The following LRRC20 variants were observed in gnomAD, a reference collection of about 807,000 sequenced individuals.
LRRC20 encodes leucine-rich repeat-containing protein 20.
Under a neutral mutation model 14.4 loss-of-function variants are expected in LRRC20, and 11 were observed. The ratio of observed to expected loss-of-function variants is 0.77; its 90% confidence interval spans 0.48 to 1.27. The LOEUF (loss-of-function observed/expected upper bound fraction) is 1.27. Among genes scored for constraint, LRRC20 ranks in the 50% most tolerant of loss-of-function variants. The pLI, the probability that LRRC20 is intolerant of heterozygous loss-of-function variation, is 0.00. For synonymous variants in LRRC20, 121 were observed against 107.3 expected (o/e 1.13, Z -0.79); for missense variants, 219 against 251.2 (o/e 0.87, Z 0.87).
chr10:70,320,217 G>A (rs939294574), intron 4 of LRRC20, among the ~76,000 whole-genome samples: 9 of 152,080 alleles, frequency 5.9e-5, no homozygotes, highest in Non-Finnish European at 1.0e-4. Context: ...AATCTCTGCA[G>A]GACAACTCAT....
intron 2 of LRRC20, among the ~76,000 whole-genome samples, chr10:70,364,740 CGG>C (rs1290043343): frequency 6.6e-6 from 1 of 152,120 alleles, no homozygotes; most frequent in African/African-American, 2.4e-5. Flanking sequence ...CAGGTGGGCC[CGG>C]GAGGGACGAA....
At chr10:70,367,958 C>CTATGTTATGTTATGTTATGT in intron 2 of LRRC20, among the ~76,000 whole-genome samples, 2 of 21,892 alleles carry the variant, frequency 9.1e-5, no homozygotes, top group Non-Finnish European at 1.7e-4. Flanking sequence ...ATAAATCTGC[C>CTATGTTATGTTATGTTATGT]TATGTTATGT....
chr10:70,351,164 G>A (rs150748485), intron 2 of LRRC20, among the ~76,000 whole-genome samples: 2,402 of 146,970 alleles, frequency 0.016, 60 homozygotes, highest in African/African-American at 0.058. Flanking sequence ...CTAGGTGACA[G>A]AGTGAGACCC....
intron 2 of LRRC20, among the ~76,000 whole-genome samples, chr10:70,350,285 G>C (rs541314327): frequency 6.6e-6 from 1 of 152,206 alleles, no homozygotes; most frequent in African/African-American, 2.4e-5. Context: ...AAAGATCCTT[G>C]GGGGAGGCGG....
intron 2 of LRRC20, among the ~76,000 whole-genome samples, chr10:70,367,094 G>A (rs1844029008): frequency 6.6e-6 from 1 of 152,072 alleles, no homozygotes; most frequent in African/African-American, 2.4e-5. Flanking sequence ...GGAGGCTGAG[G>A]CAGGAGGAAT....
At chr10:70,327,362 A>G (rs979219559) in intron 3 of LRRC20, among the ~76,000 whole-genome samples, 3 of 104,288 alleles carry the variant, frequency 2.9e-5, no homozygotes, top group East Asian at 2.7e-4. Flanking sequence ...ATCACTTGAG[A>G]TCAAGAGTTC....
chr10:70,380,726 C>G (rs2137196103), intron 1 of LRRC20, among the ~76,000 whole-genome samples: 1 of 152,374 alleles, frequency 6.6e-6, no homozygotes, highest in Middle Eastern at 3.4e-3. Context: ...GCATGGCCCT[C>G]TCCACACACC....
chr10:70,304,506 ATT>A (rs1491397200), intron 4 of LRRC20, among the ~76,000 whole-genome samples: 11 of 129,366 alleles, frequency 8.5e-5, no homozygotes, highest in African/African-American at 3.3e-4. Context: ...ATATATATAT[ATT>A]TTACTAAGCA....
chr10:70,375,543 G>A (rs1430835008), intron 2 of LRRC20, among the ~76,000 whole-genome samples: 2 of 152,132 alleles, frequency 1.3e-5, no homozygotes, highest in Non-Finnish European at 2.9e-5. Context: ...TACCATGGAA[G>A]GAAGCGCTCC....
intron 2 of LRRC20, among the ~76,000 whole-genome samples, chr10:70,351,300 C>T (rs930156676): frequency 6.6e-6 from 1 of 152,090 alleles, no homozygotes; most frequent in Non-Finnish European, 1.5e-5. Flanking sequence ...TAACAATATC[C>T]CCAGGTGATT....
At chr10:70,341,611 C>CA (rs1313866919) in intron 2 of LRRC20, among the ~76,000 whole-genome samples, 1 of 151,698 alleles carries the variant, frequency 6.6e-6, no homozygotes, top group Non-Finnish European at 1.5e-5. Context: ...CTACTAAAAA[C>CA]AAAAAAATTA....
chr10:70,377,762 C>T (rs1313022229), intron 1 of LRRC20, among the ~76,000 whole-genome samples: 2 of 152,208 alleles, frequency 1.3e-5, no homozygotes, highest in Non-Finnish European at 2.9e-5. Flanking sequence ...GCAGGGCAGG[C>T]AAGGCCAAGC....
At chr10:70,363,433 A>G (rs2137114685) in intron 2 of LRRC20, among the ~76,000 whole-genome samples, 1 of 152,308 alleles carries the variant, frequency 6.6e-6, no homozygotes, top group South Asian at 2.1e-4. Context: ...GCAGACCTGC[A>G]CCAAACACTG....
At chr10:70,302,663 A>G (rs1333857623) in intron 4 of LRRC20, among the ~76,000 whole-genome samples, 1 of 152,082 alleles carries the variant, frequency 6.6e-6, no homozygotes, top group Non-Finnish European at 1.5e-5. Flanking sequence ...TCTTGAGCCC[A>G]GGAGTTCAAA....
chr10:70,334,001 T>C (rs1416010994), intron 3 of LRRC20, among the ~76,000 whole-genome samples: 2 of 151,998 alleles, frequency 1.3e-5, no homozygotes, highest in African/African-American at 4.8e-5. Flanking sequence ...AATACAAAAA[T>C]TAGCCAGGCG....
At chr10:70,346,551 C>A (rs1459329885) in intron 2 of LRRC20, among the ~76,000 whole-genome samples, 1 of 152,110 alleles carries the variant, frequency 6.6e-6, no homozygotes, top group Non-Finnish European at 1.5e-5. Flanking sequence ...GTATTATCAA[C>A]CCAGGTGTGT....
At chr10:70,311,221 C>CA (rs1841647177) in intron 4 of LRRC20, among the ~76,000 whole-genome samples, 1 of 120,600 alleles carries the variant, frequency 8.3e-6, no homozygotes, top group African/African-American at 3.2e-5. Context: ...TTCAACATTC[C>CA]ATTTTTTTTT....
intron 2 of LRRC20, among the ~76,000 whole-genome samples, chr10:70,370,587 T>C (rs1589127374): frequency 6.6e-6 from 1 of 151,766 alleles, no homozygotes; most frequent in Admixed American, 6.6e-5. Context: ...AGTACAAAAA[T>C]TAAAAATTAA....
intron 3 of LRRC20, among the ~76,000 whole-genome samples, chr10:70,334,299 T>G (rs1275760211): frequency 6.6e-6 from 1 of 152,124 alleles, no homozygotes; most frequent in Non-Finnish European, 1.5e-5. Flanking sequence ...TCTTTTCTCT[T>G]TTGTCCACTA....
Sources: gnomAD v4.1 joint callset for allele counts (sites outside exome capture counted in the v4.1 genomes callset) on GRCh38, gnomAD v4.1.1 for gene constraint, MANE v1.5 for transcripts, NCBI Gene and HGNC (gene_info 2026-07-23, HGNC 2026-07-21) for gene names.